CREB5: variants seen among roughly 807,000 people sequenced by gnomAD.
The protein encoded by CREB5 is cyclic AMP-responsive element-binding protein 5.
A neutral mutation model predicts 57.1 loss-of-function variants in CREB5; 19 were observed. The observed-to-expected ratio is 0.33, with a 90% CI of 0.23 to 0.49. CREB5 has a LOEUF of 0.49. Among genes scored for constraint, CREB5 ranks in the 20% least tolerant of loss-of-function variants. The probability of loss-of-function intolerance (pLI) is 0.99; values close to 1 mark genes in which losing one functional copy is unlikely to be tolerated. For synonymous variants in CREB5, 238 were observed against 238.3 expected, an observed-to-expected ratio of 1.00 and a Z score of 0.01; for missense variants, 579 against 671.6, an observed-to-expected ratio of 0.86 and a Z score of 1.52.
intron 6 of CREB5, among the ~76,000 whole-genome samples, chr7:28,720,921 C>T (rs1803000078): frequency 6.6e-6 from 1 of 152,116 alleles, no homozygotes; most frequent in Non-Finnish European, 1.5e-5. Flanking sequence ...GCACCATTCC[C>T]AGAGACAAAG....
rs78764214 is a variant in CREB5, at chr7:28,579,872, C to T, written c.464+9335C>T. Among the ~76,000 whole-genome samples the T allele has an allele frequency of 5.6e-3, 849 of 152,290 alleles. 6 individuals are homozygous for T. The highest frequency in any genetic ancestry group is 0.019 in the African/African-American group (794 of 41,558). ...ATGACATTCTTAGAATCTATAGGGG[C>T]AGGAGGCTAAGCATTTGACCGACTC... On this transcript the variant is annotated intron_variant, in intron 5 of 10. Coordinates refer to ENST00000357727, the MANE Select transcript of CREB5 (RefSeq NM_182898.4).
intron 7 of CREB5, among the ~76,000 whole-genome samples, chr7:28,761,135 A>G (rs1162649177): frequency 3.9e-5 from 6 of 152,250 alleles, no homozygotes; most frequent in African/African-American, 1.4e-4. Context: ...ACAGGGTTAG[A>G]AAGTGAGACA....
chr7:28,529,785 T>G (rs1276349815), intron 4 of CREB5, among the ~76,000 whole-genome samples: 1 of 152,184 alleles, frequency 6.6e-6, no homozygotes, highest in Non-Finnish European at 1.5e-5. Flanking sequence ...TTTTGCTTGT[T>G]TGTTTCCTCA....
intron 1 of CREB5, among the ~76,000 whole-genome samples, chr7:28,333,661 C>T (rs180747438): frequency 9.5e-4 from 145 of 152,304 alleles, no homozygotes; most frequent in African/African-American, 3.2e-3. Context: ...GTCTTCTGTG[C>T]CTGGCTTATT....
At chr7:28,595,525 T>C (rs1281834602) in intron 5 of CREB5, among the ~76,000 whole-genome samples, 1 of 152,238 alleles carries the variant, frequency 6.6e-6, no homozygotes, top group Non-Finnish European at 1.5e-5. Context: ...CCCCTTTCTC[T>C]GGTGGATTCC....
At chr7:28,466,956 A>T (rs1790604075) in intron 1 of CREB5, among the ~76,000 whole-genome samples, 1 of 152,236 alleles carries the variant, frequency 6.6e-6, no homozygotes, top group Admixed American at 6.5e-5. Flanking sequence ...GCACAGGCTA[A>T]CTGGGGACTA....
intron 4 of CREB5, among the ~76,000 whole-genome samples, chr7:28,563,553 TCTCA>T (rs1795361186): frequency 6.6e-6 from 1 of 152,056 alleles, no homozygotes; most frequent in Non-Finnish European, 1.5e-5. Context: ...CGAGACAGGG[TCTCA>T]CTCTGTCACC....
chr7:28,586,714 A>T (rs1321505070), intron 5 of CREB5, among the ~76,000 whole-genome samples: 2 of 152,212 alleles, frequency 1.3e-5, no homozygotes, highest in Non-Finnish European at 1.5e-5. Flanking sequence ...ACTAAATACA[A>T]AACAAGTTCT....
chr7:28,727,868 A>C (rs1803409690), intron 7 of CREB5, among the ~76,000 whole-genome samples: 1 of 152,194 alleles, frequency 6.6e-6, no homozygotes, highest in Non-Finnish European at 1.5e-5. Context: ...AGTAGGAAAA[A>C]GATATGTACA....
intron 5 of CREB5, among the ~76,000 whole-genome samples, chr7:28,661,155 A>G (rs1282634297): frequency 1.3e-5 from 2 of 152,012 alleles, no homozygotes; most frequent in East Asian, 1.9e-4. Context: ...TGCTTCTGGT[A>G]TTTTTCTTCC....
intron 5 of CREB5, among the ~76,000 whole-genome samples, chr7:28,655,626 T>TTAAG (rs777974481): frequency 1.3e-5 from 2 of 152,054 alleles, no homozygotes; most frequent in African/African-American, 4.8e-5. Flanking sequence ...CACAAATTAA[T>TTAAG]TAAGTAATTA....
chr7:28,496,393 A>G (rs752285555), intron 3 of CREB5, among the ~76,000 whole-genome samples: 2 of 152,114 alleles, frequency 1.3e-5, no homozygotes, highest in Non-Finnish European at 2.9e-5. Flanking sequence ...CTTTTTTACT[A>G]ATTTTATTTT....
At chr7:28,751,374 C>T (rs1434017159) in intron 7 of CREB5, among the ~76,000 whole-genome samples, 1 of 152,172 alleles carries the variant, frequency 6.6e-6, no homozygotes, top group Non-Finnish European at 1.5e-5. Context: ...GGCATGTTGG[C>T]CATGTGAAGA....
At chr7:28,362,880 A>G (rs904546542) in intron 1 of CREB5, among the ~76,000 whole-genome samples, 6 of 152,236 alleles carry the variant, frequency 3.9e-5, no homozygotes, top group Non-Finnish European at 7.3e-5. Context: ...GAAAGTGGGA[A>G]TGATAATAGT....
chr7:28,410,266 G>T (rs1455350363), upstream of CREB5: 1 of 455,674 alleles, frequency 2.2e-6, no homozygotes, highest in Admixed American at 2.3e-5. Context: ...TCCTCCGGCC[G>T]CCTCCTGCCT....
intron 7 of CREB5, among the ~76,000 whole-genome samples, chr7:28,767,848 C>T (rs181449880): frequency 6.6e-6 from 1 of 152,330 alleles, no homozygotes; most frequent in African/African-American, 2.4e-5. Flanking sequence ...AACATCGGTC[C>T]TTCCCATGAT....
intron 7 of CREB5, among the ~76,000 whole-genome samples, chr7:28,802,811 T>C (rs1271662244): frequency 6.6e-6 from 1 of 152,256 alleles, no homozygotes; most frequent in Non-Finnish European, 1.5e-5. Flanking sequence ...CCTAATTTTG[T>C]CCAGTGTATG....
chr7:28,533,167 T>C (rs925013292), intron 4 of CREB5, among the ~76,000 whole-genome samples: 2 of 151,886 alleles, frequency 1.3e-5, no homozygotes, highest in African/African-American at 2.4e-5. Context: ...TATCGTACCA[T>C]TGCACTCCAG....
intron 4 of CREB5, among the ~76,000 whole-genome samples, chr7:28,551,662 T>TC (rs1283555374): frequency 6.6e-6 from 1 of 152,160 alleles, no homozygotes; most frequent in Non-Finnish European, 1.5e-5. Context: ...CTCTGAGTGG[T>TC]CCCGAGACCT....
Sources: allele counts gnomAD v4.1 joint callset (sites outside exome capture counted in the v4.1 genomes callset), GRCh38; gene constraint gnomAD v4.1.1; transcripts MANE v1.5; gene names NCBI Gene and HGNC (gene_info 2026-07-23, HGNC 2026-07-21).